FRAS1: variants seen among roughly 807,000 people sequenced by gnomAD.
The protein encoded by FRAS1 is extracellular matrix organizing protein FRAS1.
A neutral mutation model predicts 435.2 loss-of-function variants in FRAS1; 290 were observed. That is an observed-to-expected ratio of 0.67 (90% CI 0.61 to 0.73). The LOEUF is 0.73. FRAS1 is among the 30% of genes least tolerant of loss of function. FRAS1 has a pLI of 0.00. For synonymous variants in FRAS1, 1,800 were observed against 1,851.0 expected, an observed-to-expected ratio of 0.97 and a Z score of 0.71; for missense variants, 4,860 against 5,001.5, an observed-to-expected ratio of 0.97 and a Z score of 0.85.
At chr4:78,065,598 C>T (rs573375610) in intron 1 of FRAS1, among the ~76,000 whole-genome samples, 69 of 152,198 alleles carry the variant, frequency 4.5e-4, no homozygotes, top group Non-Finnish European at 6.2e-4. Context: ...AAGTTGGCCT[C>T]TTGGGTTGGA....
At chr4:78,099,546 A>G (rs1037874248) in intron 2 of FRAS1, among the ~76,000 whole-genome samples, 5 of 152,216 alleles carry the variant, frequency 3.3e-5, no homozygotes, top group Admixed American at 3.3e-4. Flanking sequence ...AAACTCTTAT[A>G]AACACTTACT....
At chr4:78,427,188 G>A (rs1031232709) in intron 35 of FRAS1, among the ~76,000 whole-genome samples, 1 of 152,116 alleles carries the variant, frequency 6.6e-6, no homozygotes, top group Non-Finnish European at 1.5e-5. Flanking sequence ...TCATGGGAGG[G>A]GAGCTGGTGG....
At chr4:78,265,338 A>G (rs1560613150) in intron 7 of FRAS1, among the ~76,000 whole-genome samples, 1 of 152,238 alleles carries the variant, frequency 6.6e-6, no homozygotes, top group South Asian at 2.1e-4. Flanking sequence ...AACCTAGTTT[A>G]AGAACCTTGG....
intron 20 of FRAS1, among the ~76,000 whole-genome samples, chr4:78,355,987 G>A (rs1176497946): frequency 6.6e-6 from 1 of 152,178 alleles, no homozygotes; most frequent in Non-Finnish European, 1.5e-5. Flanking sequence ...AATCAGATTA[G>A]TTTGTAGAAA....
At chr4:78,346,400 G>T (rs1730605729) in intron 20 of FRAS1, among the ~76,000 whole-genome samples, 1 of 152,170 alleles carries the variant, frequency 6.6e-6, no homozygotes, top group Admixed American at 6.5e-5. Context: ...TTAAGGATGA[G>T]ATTAGAGATG....
intron 30 of FRAS1, among the ~76,000 whole-genome samples, chr4:78,401,115 A>G (rs1283499672): frequency 6.6e-6 from 1 of 152,236 alleles, no homozygotes; most frequent in Non-Finnish European, 1.5e-5. Context: ...CTAAAATTTA[A>G]GTTTTAAAAC....
intron 2 of FRAS1, among the ~76,000 whole-genome samples, chr4:78,162,972 C>T (rs181781053): frequency 1.3e-5 from 2 of 152,288 alleles, no homozygotes; most frequent in East Asian, 1.9e-4. Context: ...GGGATGAGCC[C>T]GTTTCTTTCT....
chr4:78,295,702 A>G (rs1034850223), intron 14 of FRAS1, among the ~76,000 whole-genome samples: 3 of 149,806 alleles, frequency 2.0e-5, no homozygotes, highest in African/African-American at 7.4e-5. Flanking sequence ...TACTTTTTGT[A>G]TGTATATTCT....
intron 2 of FRAS1, among the ~76,000 whole-genome samples, chr4:78,120,053 A>G (rs1463425512): frequency 1.3e-5 from 2 of 152,138 alleles, no homozygotes; most frequent in East Asian, 1.9e-4. Flanking sequence ...AATCAGATCT[A>G]TGGGGAGAAT....
intron 47 of FRAS1, 130 bp from the exon 48 acceptor site, chr4:78,463,891 G>T (rs935949491): frequency 9.1e-6 from 9 of 993,614 alleles, no homozygotes; most frequent in Admixed American, 2.3e-5. Context: ...TCCTCAAGTG[G>T]AGGAAATAAA....
At chr4:78,202,455 C>G (rs1019433328) in intron 2 of FRAS1, among the ~76,000 whole-genome samples, 3 of 152,148 alleles carry the variant, frequency 2.0e-5, no homozygotes, top group Non-Finnish European at 4.4e-5. Context: ...CTTCTGGAGG[C>G]TGAGGTGGGT....
chr4:78,506,706 T>C (rs116572790), intron 61 of FRAS1, among the ~76,000 whole-genome samples: 49,975 of 151,968 alleles, frequency 0.33, 8,945 homozygotes, highest in South Asian at 0.52. Context: ...CTTGCACTTC[T>C]CGGGTGAGGC....
In FRAS1 at chr4:78,526,669, T is replaced by G; in HGVS notation, c.10925+12T>G. 1 of 1,445,242 alleles carries G rather than the reference T, an allele frequency of 6.9e-7. No homozygotes were observed. The highest frequency in any genetic ancestry group is 1.7e-4 in the Middle Eastern group (1 of 5,766). 89.5% of individuals were successfully genotyped at this position (1,445,242 alleles called of 1,614,324 possible). Reference sequence around the variant, plus strand: ...CATGCCCCAGAAAGGTAGGAAAATATAGTCAATCCTCATTATTTGTTGATT... The same window carrying G: ...CATGCCCCAGAAAGGTAGGAAAATAGAGTCAATCCTCATTATTTGTTGATT... On this transcript the variant is annotated intron_variant, in intron 70 of 73. Transcript: ENST00000512123.
intron 35 of FRAS1, among the ~76,000 whole-genome samples, chr4:78,427,725 A>G (rs905168910): frequency 6.6e-6 from 1 of 152,370 alleles, no homozygotes; most frequent in East Asian, 1.9e-4. Context: ...ATGTCGTCTT[A>G]CCTTCAATAG....
intron 71 of FRAS1, 44 bp downstream of exon 71, chr4:78,534,659 A>G: frequency 6.3e-7 from 1 of 1,588,600 alleles, no homozygotes; most frequent in Non-Finnish European, 8.6e-7. Context: ...CTGCCTGGAT[A>G]TGAGAAGCTT....
Position 78,477,799 on chromosome 4 carries a change from G to C in FRAS1, c.7852-16G>C, listed in dbSNP as rs1719899609. Reference sequence around the variant, plus strand: ...CTGAGGCACAGCTTAACTTCTTGTTGGTTCCTTTGTGACAGGTCCAGTTTG... The same window carrying C: ...CTGAGGCACAGCTTAACTTCTTGTTCGTTCCTTTGTGACAGGTCCAGTTTG... On this transcript the variant is annotated splice_polypyrimidine_tract_variant and intron_variant, in intron 54 of 73. Coordinates refer to ENST00000512123, the MANE Select transcript of FRAS1 (RefSeq NM_025074.7). 6.2e-7 allele frequency: 1 copy of C among 1,604,900 alleles called. No homozygotes were observed. Among genetic ancestry groups the C allele is most frequent in the Admixed American group, 1.7e-5 (1 of 59,768 alleles).
chr4:78,421,946 C>G lies in FRAS1; in HGVS notation c.4624C>G (p.Arg1542Gly), dbSNP rs774652198. Residue 1542 changes from arginine (R) to glycine (G), a missense_variant, in exon 34 of 74, where the codon CGC becomes GGC. By Grantham distance (125) the Arg-to-Gly change is moderately radical. Transcript: ENST00000512123. ...EDINQGKVMY[R>G]PPPAAPHLQE... ...TATTAACCAGGGCAAAGTCATGTAC[C>G]GCCCTCCCCCGGCAGCACCCCACCT... The G allele has an allele frequency of 2.5e-6, 4 of 1,613,670 alleles. No individual in the cohort carries two copies. Among genetic ancestry groups the G allele is most frequent in the Non-Finnish European group, 3.4e-6 (4 of 1,179,742 alleles).
chr4:78,116,165 T>C (rs938240804), intron 2 of FRAS1, among the ~76,000 whole-genome samples: 1 of 152,232 alleles, frequency 6.6e-6, no homozygotes, highest in African/African-American at 2.4e-5. Context: ...AATCCTGAGT[T>C]CTAGTTTGAT....
chr4:78,323,560 G>A (rs1394490913), intron 18 of FRAS1, among the ~76,000 whole-genome samples: 1 of 152,172 alleles, frequency 6.6e-6, no homozygotes, highest in African/African-American at 2.4e-5. Flanking sequence ...TGATTCCCAT[G>A]CCTCTGTGGG....
Sources: gnomAD v4.1 joint callset for allele counts (sites outside exome capture counted in the v4.1 genomes callset) on GRCh38, gnomAD v4.1.1 for gene constraint, MANE v1.5 for transcripts, NCBI Gene and HGNC (gene_info 2026-07-23, HGNC 2026-07-21) for gene names.